The following ARIH2 variants were observed in gnomAD, a reference collection of about 807,000 sequenced individuals.
ARIH2 encodes ariadne RBR E3 ubiquitin protein ligase 2.
In ARIH2, 12 loss-of-function variants were observed where a neutral mutation model predicts 79.8. That is an observed-to-expected ratio of 0.15 (90% CI 0.10 to 0.24). The LOEUF (loss-of-function observed/expected upper bound fraction) is 0.24. ARIH2 is among the 10% of genes least tolerant of loss of function. ARIH2 has a pLI of 1.00. For missense variants in ARIH2, 301 were observed against 618.3 expected (o/e 0.49, Z 5.44); for synonymous variants, 224 against 213.9 (o/e 1.05, Z -0.41).
chr3:48,920,187 C>G (rs2084610194), intron 1 of ARIH2, among the ~76,000 whole-genome samples: 1 of 151,784 alleles, frequency 6.6e-6, no homozygotes, highest in African/African-American at 2.4e-5. Flanking sequence ...TAATAGGTTG[C>G]CTAAGCTGGT....
rs1416656583 is a variant in ARIH2 at position 48,985,732 on chromosome 3, C to T, written c.*2462C>T. 6 of 152,114 alleles carry T rather than the reference C, an allele frequency of 3.9e-5. No individual in the cohort carries two copies. The allele number at this position is 152,114 out of a possible 1,614,324, so 9.4% of individuals were successfully genotyped here. A position where few individuals can be genotyped will look rare whatever the true frequency, so the allele number is the denominator to read the frequency against. Reference sequence around the variant, plus strand: ...GGGGGAGAGGGCACCTGTAAGTGATCCCTGTGGAATGAAGTAGAAAATCCT... The same window carrying T: ...GGGGGAGAGGGCACCTGTAAGTGATTCCTGTGGAATGAAGTAGAAAATCCT... On this transcript the variant is annotated 3_prime_UTR_variant, in exon 16 of 16. Coordinates refer to ENST00000356401, the MANE Select transcript of ARIH2 (RefSeq NM_006321.4).
At chr3:48,963,561 A>G (rs1425793296) in intron 4 of ARIH2, among the ~76,000 whole-genome samples, 2 of 152,192 alleles carry the variant, frequency 1.3e-5, no homozygotes, top group African/African-American at 4.8e-5. Flanking sequence ...TATAAATGGA[A>G]AATTATTGTA....
chr3:48,924,329 T>A (rs1403247242), intron 2 of ARIH2, among the ~76,000 whole-genome samples: 1 of 151,666 alleles, frequency 6.6e-6, no homozygotes, highest in Non-Finnish European at 1.5e-5. Context: ...CTTTTTTTTT[T>A]AAGTAGAAGA....
intron 1 of ARIH2, chr3:48,921,471 G>A (rs977663990): frequency 1.4e-4 from 18 of 128,916 alleles, no homozygotes; most frequent in Admixed American, 1.3e-3. Context: ...GTCTCACTGT[G>A]TTGCCCAGGC....
intron 3 of ARIH2, among the ~76,000 whole-genome samples, chr3:48,953,555 C>G (rs1576355051): frequency 6.6e-6 from 1 of 152,110 alleles, no homozygotes; most frequent in Non-Finnish European, 1.5e-5. Flanking sequence ...AGGTGCCTCA[C>G]AACGCCCGGC....
chr3:48,972,842 G>A (rs2092312621), intron 8 of ARIH2, among the ~76,000 whole-genome samples: 1 of 152,112 alleles, frequency 6.6e-6, no homozygotes. Context: ...AGACTCTCTA[G>A]TAGCTGGGAC....
At chr3:48,967,046 G>T (rs2091847971) in intron 5 of ARIH2, 79 bp from the exon 6 acceptor site, 9 of 1,465,458 alleles carry the variant, frequency 6.1e-6, no homozygotes, top group Non-Finnish European at 8.4e-6. Context: ...CACTTTCCAT[G>T]CACCCGGCTG....
intron 3 of ARIH2, among the ~76,000 whole-genome samples, chr3:48,958,774 G>A (rs1484521629): frequency 6.6e-6 from 1 of 152,152 alleles, no homozygotes; most frequent in African/African-American, 2.4e-5. Context: ...CACTTCGGGA[G>A]GAGGCTGAGG....
chr3:48,963,252 A>G (rs889530524), intron 4 of ARIH2, among the ~76,000 whole-genome samples: 1 of 152,218 alleles, frequency 6.6e-6, no homozygotes, highest in African/African-American at 2.4e-5. Flanking sequence ...CCTTATTATT[A>G]TACTACTGCC....
At position 48,967,229 on chromosome 3, in the gene ARIH2, C is replaced by T. The variant is rs754490830; in HGVS notation, c.492C>T (p.Cys164=). ...LACQHQFCRS[C]WEQHCSVLVK... ...GTCAGCACCAGTTTTGCCGCAGCTG[C>T]TGGGAGCAGCACTGCTCAGTTCTCG... Residue 164 remains cysteine, a synonymous_variant, in exon 6 of 16, where the codon TGC becomes TGT. Transcript: ENST00000356401. The T allele has an allele frequency of 6.2e-7, 1 of 1,614,230 alleles. No homozygotes were observed. Among genetic ancestry groups the T allele is most frequent in the Admixed American group, 1.7e-5 (1 of 60,034 alleles).
At chr3:48,952,071 C>T (rs1003615566) in intron 3 of ARIH2, among the ~76,000 whole-genome samples, 20 of 152,166 alleles carry the variant, frequency 1.3e-4, no homozygotes, top group African/African-American at 4.8e-4. Flanking sequence ...TTAATATATA[C>T]ATTTATAGTT....
At chr3:48,957,512 A>T (rs1282485148) in intron 3 of ARIH2, among the ~76,000 whole-genome samples, 1 of 152,166 alleles carries the variant, frequency 6.6e-6, no homozygotes, top group East Asian at 1.9e-4. Flanking sequence ...CAGCTGTTGG[A>T]CATGGTCAGA....
At chr3:48,978,182 T>C (rs1477800674) in intron 11 of ARIH2, among the ~76,000 whole-genome samples, 2 of 152,034 alleles carry the variant, frequency 1.3e-5, no homozygotes, top group East Asian at 3.9e-4. Context: ...CCAACAAAAC[T>C]GTGGTTGGCT....
At chr3:48,953,589 G>A (rs192445549) in intron 3 of ARIH2, among the ~76,000 whole-genome samples, 173 of 151,862 alleles carry the variant, frequency 1.1e-3, no homozygotes, top group African/African-American at 3.9e-3. Context: ...TTTTAGTAGA[G>A]ACGGGGTTTC....
At chr3:48,980,633 C>T (rs1014320081) in intron 13 of ARIH2, 137 bp downstream of exon 13, 2 of 1,012,196 alleles carry the variant, frequency 2.0e-6, no homozygotes, top group Non-Finnish European at 2.9e-6. Flanking sequence ...GCTTGTGGAT[C>T]CACATTTTCA....
Position 48,971,925 on chromosome 3 carries a change from A to G in ARIH2, c.770+1221A>G, listed in dbSNP as rs144882736. Among the ~76,000 whole-genome samples, 14 of 152,316 alleles carry G rather than the reference A, an allele frequency of 9.2e-5. No homozygotes were observed. The East Asian group carries it at 2.7e-3, about 29-fold the overall frequency. On this transcript the variant is annotated intron_variant, in intron 8 of 15. Transcript: ENST00000356401. The stretch of plus-strand genomic sequence containing the variant: ...AGTACTGTTGGCCTCCACAAAAGAA[A>G]ATTTCAAAATATGGAAGCCTAGCCC...
chr3:48,969,414 T>C (rs1261234892), intron 7 of ARIH2, among the ~76,000 whole-genome samples: 1 of 151,928 alleles, frequency 6.6e-6, no homozygotes, highest in African/African-American at 2.4e-5. Context: ...ACTTTTGGAG[T>C]CCTTTCCCTC....
At chr3:48,967,552 A>T (rs541282055) in intron 6 of ARIH2, among the ~76,000 whole-genome samples, 31 of 152,340 alleles carry the variant, frequency 2.0e-4, no homozygotes, top group African/African-American at 7.5e-4. Context: ...TAAGCTGCCT[A>T]CCTTGATTCC....
At chr3:48,942,360 C>T (rs191773509) in intron 3 of ARIH2, among the ~76,000 whole-genome samples, 3 of 152,224 alleles carry the variant, frequency 2.0e-5, no homozygotes, top group African/African-American at 4.8e-5. Context: ...CAAGCCTCAA[C>T]TGATTTTCTT....
Sources: allele counts gnomAD v4.1 joint callset (sites outside exome capture counted in the v4.1 genomes callset), GRCh38; gene constraint gnomAD v4.1.1; transcripts MANE v1.5; gene names NCBI Gene and HGNC (gene_info 2026-07-23, HGNC 2026-07-21).